C2CD2: variants seen among roughly 807,000 people sequenced by gnomAD.
C2CD2 encodes the protein C2 calcium dependent domain containing 2, also known as C2 domain-containing protein 2.
Under a neutral mutation model 74.3 loss-of-function variants are expected in C2CD2, and 43 were observed. The observed-to-expected ratio is 0.58, with a 90% CI of 0.45 to 0.75. The LOEUF (loss-of-function observed/expected upper bound fraction) is 0.75. C2CD2 is among the 30% of genes least tolerant of loss of function. The pLI is 0.00. For missense variants in C2CD2, 801 were observed against 916.3 expected (o/e 0.87, Z 1.63); for synonymous variants, 422 against 390.7 (o/e 1.08, Z -0.94).
At position 41,943,090 on chromosome 21, in the gene C2CD2, C is replaced by T. The variant is rs376062295; in HGVS notation, c.280-845G>A. On this transcript the variant is annotated intron_variant, in intron 1 of 13. Transcript: ENST00000380486. ...CCAAGGTGGAAGGATTGCTCAAGGC[C>T]AGCAGTTCGAGACCAGCCTGGCCAA... 6.3e-5 allele frequency: 14 copies of T among 222,490 alleles called. No homozygotes were observed. In the South Asian group the frequency reaches 2.1e-3, roughly 33 times the overall value. The allele number at this position is 222,490 out of a possible 1,614,324, so 13.8% of individuals were successfully genotyped here.
intron 5 of C2CD2, among the ~76,000 whole-genome samples, chr21:41,915,749 CTTTTA>C (rs894292918): frequency 3.3e-5 from 5 of 152,144 alleles, no homozygotes; most frequent in African/African-American, 9.7e-5. Context: ...CAAGAGTGTT[CTTTTA>C]TTTTATTTAT....
At chr21:41,937,803 CA>C (rs1443225554) in intron 2 of C2CD2, among the ~76,000 whole-genome samples, 2 of 152,120 alleles carry the variant, frequency 1.3e-5, no homozygotes. Flanking sequence ...TCATTTGCAA[CA>C]ACATGGATAA....
intron 3 of C2CD2, among the ~76,000 whole-genome samples, chr21:41,920,655 G>A (rs560917757): frequency 2.6e-5 from 4 of 152,328 alleles, no homozygotes; most frequent in Admixed American, 6.5e-5. Flanking sequence ...GCCTCCTGCC[G>A]CTAGCATCAA....
Position 41,901,659 on chromosome 21 carries a change from C to T in C2CD2, c.1523G>A (p.Arg508Gln), listed in dbSNP as rs149435261. ...TGATATGATAATAGTGCTTTTCTTC[C>T]GTGGCGACTTGAGTTTCAGCTTTGA... ...ESSKLKLKSP[R>Q]KKSTIIISGI... The change falls in exon 12 of 14, where the codon CGG (arginine) becomes CAG (glutamine). Residue 508 changes from arginine (R) to glutamine (Q), a missense_variant. Coordinates refer to ENST00000380486, the MANE Select transcript of C2CD2 (RefSeq NM_015500.2). 9 of 1,614,028 alleles carry T rather than the reference C, an allele frequency of 5.6e-6. No individual in the cohort carries two copies. The African/African-American group carries it at 6.7e-5, about 12-fold the overall frequency.
At chr21:41,906,020 T>C (rs1339096395) in intron 10 of C2CD2, among the ~76,000 whole-genome samples, 183 bp from the exon 11 acceptor site, 1 of 152,204 alleles carries the variant, frequency 6.6e-6, no homozygotes, top group Non-Finnish European at 1.5e-5. Context: ...CAGGTTGAAA[T>C]AAAATTTCAG....
At chr21:41,914,860 G>A in intron 5 of C2CD2, 139 bp from the exon 6 acceptor site, 2 of 649,746 alleles carry the variant, frequency 3.1e-6, no homozygotes, top group Non-Finnish European at 5.2e-6. Flanking sequence ...CCCGAGCTCT[G>A]GGATCTGCTC....
intron 1 of C2CD2, among the ~76,000 whole-genome samples, chr21:41,946,687 A>T (rs1029554883): frequency 2.0e-5 from 3 of 152,158 alleles, no homozygotes. Flanking sequence ...ACAGGAGGAG[A>T]CATAAAATAC....
At chr21:41,947,137 T>TCTCTCTCTCTCTCTCTCTCTCTCGCTCC (rs778013814) in intron 1 of C2CD2, among the ~76,000 whole-genome samples, 1 of 25,638 alleles carries the variant, frequency 3.9e-5, no homozygotes, top group Non-Finnish European at 8.9e-5. Context: ...TCTCTCTCTC[T>TCTCTCTCTCTCTCTCTCTCTCTCGCTCC]CTCCCTCCCT....
At position 41,899,615 on chromosome 21, in the gene C2CD2, C is replaced by T. The variant is rs2064868589; in HGVS notation, c.1561-253G>A. The stretch of plus-strand genomic sequence containing the variant: ...TTGGCCCCCGGGGCTCAGAGGTTAA[C>T]CCTCTTCCTCTCACAGATGGGCCTA... On this transcript the variant is annotated intron_variant, in intron 12 of 13. Coordinates refer to ENST00000380486, the MANE Select transcript of C2CD2 (RefSeq NM_015500.2). This position sits in a 1 kb window ranked among gnomAD's most constrained non-coding sequence, Gnocchi z 4.4. Among the ~76,000 whole-genome samples the T allele has an allele frequency of 6.6e-6, 1 of 152,060 alleles. No individual in the cohort carries two copies. Among genetic ancestry groups the T allele is most frequent in the Admixed American group, 6.6e-5 (1 of 15,266 alleles).
At chr21:41,944,152 T>A (rs978290175) in intron 1 of C2CD2, among the ~76,000 whole-genome samples, 1 of 152,224 alleles carries the variant, frequency 6.6e-6, no homozygotes, top group Non-Finnish European at 1.5e-5. Flanking sequence ...TGCAGACTCA[T>A]GCTCCCCTGA....
chr21:41,909,233 T>A (rs567254695), intron 8 of C2CD2, among the ~76,000 whole-genome samples: 2 of 152,302 alleles, frequency 1.3e-5, no homozygotes, highest in East Asian at 1.9e-4. Flanking sequence ...TGGATTTTTT[T>A]AAAAAAACAA....
chr21:41,900,359 A>G (rs2064879966), intron 12 of C2CD2, among the ~76,000 whole-genome samples: 1 of 152,260 alleles, frequency 6.6e-6, no homozygotes, highest in African/African-American at 2.4e-5. Context: ...AACATTAAAT[A>G]CTAAGATCCA....
At chr21:41,901,174 G>A (rs386746) in intron 12 of C2CD2, 35,258 of 255,692 alleles carry the variant, frequency 0.14, 4,718 homozygotes, top group African/African-American at 0.41. Flanking sequence ...CGGTGTCCAC[G>A]GGGGACACTA....
At chr21:41,915,097 C>T (rs4920133) in intron 5 of C2CD2, among the ~76,000 whole-genome samples, 39,628 of 152,070 alleles carry the variant, frequency 0.26, 5,365 homozygotes, top group South Asian at 0.32. Flanking sequence ...GGACCTCTTC[C>T]GCTGGCTGCG....
At chr21:41,930,021 G>C (rs2065249597) in intron 2 of C2CD2, among the ~76,000 whole-genome samples, 1 of 151,154 alleles carries the variant, frequency 6.6e-6, no homozygotes, top group Non-Finnish European at 1.5e-5. Context: ...GAAGCGAGCA[G>C]GTGAGGGTTC....
intron 2 of C2CD2, among the ~76,000 whole-genome samples, chr21:41,935,241 C>T (rs1261915339): frequency 8.5e-5 from 13 of 152,106 alleles, no homozygotes; most frequent in Non-Finnish European, 2.9e-5. Context: ...ATTTTAGTAA[C>T]ATGGGGGAAA....
At chr21:41,894,986 T>G in intron 13 of C2CD2, 1 of 456,406 alleles carries the variant, frequency 2.2e-6, no homozygotes, top group Non-Finnish European at 4.4e-6. Flanking sequence ...TCAACCTGGC[T>G]GCAGCACCCG....
intron 1 of C2CD2, among the ~76,000 whole-genome samples, chr21:41,946,351 G>C (rs1009810294): frequency 1.3e-5 from 2 of 152,138 alleles, no homozygotes; most frequent in Admixed American, 1.3e-4. Context: ...AGATGGGCCC[G>C]GTGGGAGGTG....
intron 2 of C2CD2, among the ~76,000 whole-genome samples, chr21:41,934,853 C>T (rs1406597058): frequency 7.3e-6 from 1 of 136,732 alleles, no homozygotes; most frequent in East Asian, 1.9e-4. Context: ...ACAGCCTTGC[C>T]TCGTTTTTTT....
Sources: gnomAD v4.1 joint callset for allele counts (sites outside exome capture counted in the v4.1 genomes callset) on GRCh38, gnomAD v4.1.1 for gene constraint, Gnocchi (gnomAD v3.1) non-coding constraint, MANE v1.5 for transcripts, NCBI Gene and HGNC (gene_info 2026-07-23, HGNC 2026-07-21) for gene names.